The following CTBP2 variants were observed in gnomAD, a reference collection of about 807,000 sequenced individuals.
CTBP2 encodes the protein C-terminal-binding protein 2.
In CTBP2, 30 loss-of-function variants were observed where a neutral mutation model predicts 80.3. The ratio of observed to expected loss-of-function variants is 0.37; its 90% CI spans 0.28 to 0.51. CTBP2 has a LOEUF of 0.51. Among genes scored for constraint, CTBP2 ranks in the 20% least tolerant of loss-of-function variants. The pLI is 0.93. For missense variants in CTBP2, 1,212 were observed against 1,375.3 expected (o/e 0.88, Z 1.88); for synonymous variants, 594 against 587.4 (o/e 1.01, Z -0.16).
intron 2 of CTBP2, among the ~76,000 whole-genome samples, chr10:125,103,717 C>T (rs896704708): frequency 1.3e-5 from 2 of 152,168 alleles, no homozygotes; most frequent in Admixed American, 6.5e-5. Flanking sequence ...GTCCCACCAC[C>T]GCGGAAGTGG....
chr10:125,076,754 G>T (rs1053955582), intron 2 of CTBP2, among the ~76,000 whole-genome samples: 1 of 152,210 alleles, frequency 6.6e-6, no homozygotes, highest in Non-Finnish European at 1.5e-5. Context: ...TGTAGCAGGG[G>T]TTAACAATTT....
chr10:125,138,310 A>G (rs1256232555), intron 1 of CTBP2: 1 of 152,170 alleles, frequency 6.6e-6, no homozygotes, highest in African/African-American at 2.4e-5. Context: ...ACGCTGGGTG[A>G]TTCGAGACTA....
At chr10:124,996,772 C>G (rs1953654363) in intron 4 of CTBP2, 1 of 152,178 alleles carries the variant, frequency 6.6e-6, no homozygotes, top group South Asian at 2.1e-4. Flanking sequence ...GGAGATGAAG[C>G]TGCATCTCCG....
chr10:125,000,439 C>CT (rs1315904695), intron 3 of CTBP2: 1 of 152,244 alleles, frequency 6.6e-6, no homozygotes, highest in African/African-American at 2.4e-5. Context: ...AGGCAAGCTG[C>CT]TTTTCTCTCA....
chr10:125,019,564 C>T (rs1444982243), intron 1 of CTBP2, among the ~76,000 whole-genome samples: 1 of 152,148 alleles, frequency 6.6e-6, no homozygotes, highest in Non-Finnish European at 1.5e-5. Flanking sequence ...TCTACCCAGC[C>T]CAGCTCTCCA....
At chr10:124,992,950 C>T in intron 7 of CTBP2, 138 bp from the exon 10 acceptor site, 1 of 842,622 alleles carries the variant, frequency 1.2e-6, no homozygotes, top group Non-Finnish European at 1.8e-6. Context: ...TGCTTGAGCT[C>T]TTCAACACTG....
chr10:125,008,236 C>T (rs1291263508), intron 1 of CTBP2, among the ~76,000 whole-genome samples: 1 of 152,148 alleles, frequency 6.6e-6, no homozygotes, highest in Non-Finnish European at 1.5e-5. Context: ...AATAAGCCAC[C>T]GTGCCTGGCC....
chr10:125,157,947 CAA>C (rs1347651050), intron 1 of CTBP2, among the ~76,000 whole-genome samples: 2 of 152,054 alleles, frequency 1.3e-5, no homozygotes, highest in Non-Finnish European at 2.9e-5. Context: ...TGATGCCAGA[CAA>C]AAGAATATTT....
chr10:125,136,855 C>A (rs1857051163), intron 1 of CTBP2, among the ~76,000 whole-genome samples: 1 of 152,164 alleles, frequency 6.6e-6, no homozygotes, highest in Admixed American at 6.5e-5. Flanking sequence ...AAAACATTCT[C>A]CCAAAATGGT....
chr10:125,057,606 G>A (rs1398611571), intron 2 of CTBP2, among the ~76,000 whole-genome samples: 2 of 152,094 alleles, frequency 1.3e-5, no homozygotes, highest in Non-Finnish European at 2.9e-5. Flanking sequence ...TTTTTCCTTG[G>A]AACACAAAGA....
chr10:125,139,464 AGG>A (rs1218423754), intron 1 of CTBP2, among the ~76,000 whole-genome samples: 4 of 151,318 alleles, frequency 2.6e-5, no homozygotes, highest in African/African-American at 4.8e-5. Flanking sequence ...ATGAGGGCAG[AGG>A]ATTTTCTTAA....
At chr10:125,064,055 T>TA (rs11439387) in intron 2 of CTBP2, among the ~76,000 whole-genome samples, 81,105 of 151,916 alleles carry the variant, frequency 0.53, 22,053 homozygotes, top group South Asian at 0.73. Context: ...TAAAATGCAT[T>TA]AAAAAAATAA....
chr10:125,070,500 C>T (rs1035988384), intron 2 of CTBP2, among the ~76,000 whole-genome samples: 10 of 151,560 alleles, frequency 6.6e-5, no homozygotes, highest in African/African-American at 9.7e-5. Flanking sequence ...CAGACTTCAG[C>T]GAGCTATGAT....
intron 2 of CTBP2, among the ~76,000 whole-genome samples, chr10:125,062,136 C>T (rs149622672): frequency 6.6e-6 from 1 of 152,208 alleles, no homozygotes; most frequent in Non-Finnish European, 1.5e-5. Context: ...AGAAGCAGAA[C>T]CCAGCGGACT....
intron 1 of CTBP2, among the ~76,000 whole-genome samples, chr10:125,139,050 T>C (rs143868114): frequency 1.1e-3 from 174 of 152,302 alleles, no homozygotes; most frequent in African/African-American, 4.1e-3. Flanking sequence ...TCTTCCCTGC[T>C]TGGCACATTC....
rs567401309 is a variant in CTBP2 at position 125,147,614 on chromosome 10, A to G, written c.-206+12705T>C. Among the ~76,000 whole-genome samples the G allele has an allele frequency of 5.9e-5, 9 of 152,264 alleles. No homozygotes were observed. The East Asian group carries it at 1.5e-3, about 26-fold the overall frequency. On this transcript the variant is annotated intron_variant, in intron 1 of 10. Coordinates refer to the CTBP2 transcript ENST00000337195. ...TTCCAGGTATTTTTAACATAGCACC[A>G]TGACAGGCTTGGCAGCTCACACCTG...
intron 1 of CTBP2, among the ~76,000 whole-genome samples, chr10:125,118,664 A>C (rs1853763820): frequency 7.1e-6 from 1 of 140,526 alleles, no homozygotes; most frequent in Non-Finnish European, 1.5e-5. Flanking sequence ...TCCTACTTAC[A>C]GACAAGCCAG....
At chr10:125,035,960 G>GA (rs940634108) in intron 3 of CTBP2, among the ~76,000 whole-genome samples, 3 of 151,238 alleles carry the variant, frequency 2.0e-5, no homozygotes, top group African/African-American at 7.3e-5. Context: ...GCAGGCATCA[G>GA]AAAAAAAAGG....
At chr10:125,078,222 G>A (rs1846574062) in intron 2 of CTBP2, among the ~76,000 whole-genome samples, 1 of 149,534 alleles carries the variant, frequency 6.7e-6, no homozygotes, top group African/African-American at 2.5e-5. Flanking sequence ...GGAGCTTGTA[G>A]TGAGCCGAGA....
Sources: allele counts gnomAD v4.1 joint callset (sites outside exome capture counted in the v4.1 genomes callset), GRCh38; gene constraint gnomAD v4.1.1; transcripts MANE v1.5; gene names NCBI Gene and HGNC (gene_info 2026-07-23, HGNC 2026-07-21).